The following PRSS23 variants were observed in gnomAD, a reference collection of about 807,000 sequenced individuals.
PRSS23 encodes serine protease 23, also known as protease, serine 23.
A neutral mutation model predicts 34.7 loss-of-function variants in PRSS23; 25 were observed. The observed-to-expected ratio is 0.72, with a 90% CI of 0.53 to 1.01. The LOEUF is 1.01. Ranked by LOEUF, PRSS23 falls within the 50% of genes least tolerant of loss-of-function variation. The pLI is 0.00. For missense variants in PRSS23, 445 were observed against 475.6 expected (o/e 0.94, Z 0.60); for synonymous variants, 176 against 186.6 (o/e 0.94, Z 0.46).
intron 2 of PRSS23, among the ~76,000 whole-genome samples, chr11:86,855,190 C>G (rs996805884): frequency 1.3e-5 from 2 of 150,920 alleles, no homozygotes; most frequent in Non-Finnish European, 1.5e-5. Flanking sequence ...AAAAATACAG[C>G]ATGATTTCGA....
intron 2 of PRSS23, among the ~76,000 whole-genome samples, chr11:86,872,601 T>C (rs11234843): frequency 0.1 from 15,704 of 152,310 alleles, 870 homozygotes; most frequent in East Asian, 0.2. Context: ...TCAAACATTA[T>C]GAATTTTTCT....
At chr11:86,934,296 G>A (rs1053587819) in intron 2 of PRSS23, 2 of 152,230 alleles carry the variant, frequency 1.3e-5, no homozygotes, top group African/African-American at 4.8e-5. Flanking sequence ...TCATTCTGAT[G>A]ATTTGAGTTG....
At chr11:86,936,884 A>G (rs1371116235) in intron 2 of PRSS23, 2 of 129,342 alleles carry the variant, frequency 1.5e-5, no homozygotes, top group East Asian at 3.9e-4. Context: ...GAGTAAAGAA[A>G]AAAAAAAAAA....
chr11:86,802,231 T>C (rs185960832), intron 1 of PRSS23, among the ~76,000 whole-genome samples: 22 of 152,328 alleles, frequency 1.4e-4, no homozygotes, highest in African/African-American at 5.1e-4. Flanking sequence ...TTTTGCACTC[T>C]GTTCTTGTTC....
upstream of PRSS23, among the ~76,000 whole-genome samples, chr11:86,798,780 C>A (rs1315412844): frequency 6.6e-6 from 1 of 152,164 alleles, no homozygotes; most frequent in Non-Finnish European, 1.5e-5. Context: ...GCAACCTCCA[C>A]CTCCTGGGCT....
At chr11:86,802,130 C>G (rs115774339) in intron 1 of PRSS23, among the ~76,000 whole-genome samples, 1,989 of 152,300 alleles carry the variant, frequency 0.013, 52 homozygotes, top group African/African-American at 0.045. Flanking sequence ...CTCATAGATC[C>G]CTTAGGATTT....
At chr11:86,924,094 G>T (rs1308413890) in intron 2 of PRSS23, among the ~76,000 whole-genome samples, 1 of 152,174 alleles carries the variant, frequency 6.6e-6, no homozygotes, top group South Asian at 2.1e-4. Flanking sequence ...AGGTAAGATC[G>T]AGAGCCGGAA....
intron 2 of PRSS23, among the ~76,000 whole-genome samples, chr11:86,877,566 T>C (rs1231148549): frequency 6.6e-6 from 1 of 152,216 alleles, no homozygotes; most frequent in African/African-American, 2.4e-5. Flanking sequence ...TATGGCTATC[T>C]AGTTGTCTCA....
chr11:86,887,643 A>G (rs766137026), intron 2 of PRSS23, among the ~76,000 whole-genome samples: 2 of 152,200 alleles, frequency 1.3e-5, no homozygotes, highest in Non-Finnish European at 2.9e-5. Context: ...TCCACACATA[A>G]TAATTACCGT....
chr11:86,842,890 T>C (rs533111796), intron 2 of PRSS23, among the ~76,000 whole-genome samples: 6 of 152,140 alleles, frequency 3.9e-5, no homozygotes, highest in Non-Finnish European at 8.8e-5. Flanking sequence ...CAACTAGCAC[T>C]AATTTTCTTC....
At chr11:86,855,623 G>T (rs1473063909) in intron 2 of PRSS23, among the ~76,000 whole-genome samples, 14 of 152,154 alleles carry the variant, frequency 9.2e-5, no homozygotes, top group Admixed American at 2.6e-4. Context: ...AGCCTCCCAA[G>T]TAGCTGGGAC....
At chr11:86,938,174 T>C (rs547602094) in intron 2 of PRSS23, among the ~76,000 whole-genome samples, 79 of 152,288 alleles carry the variant, frequency 5.2e-4, no homozygotes, top group Middle Eastern at 3.4e-3. Context: ...CGAACCAGCA[T>C]TGGGCGCAAG....
chr11:86,844,714 A>G (rs1357840514), intron 2 of PRSS23, among the ~76,000 whole-genome samples: 2 of 152,258 alleles, frequency 1.3e-5, no homozygotes, highest in Non-Finnish European at 2.9e-5. Context: ...ACGTCATGAC[A>G]TAGAAACAAA....
chr11:86,952,072 G>A (rs1949297952), exon 3 of PRSS23: 1 of 1,613,956 alleles, frequency 6.2e-7, no homozygotes, highest in African/African-American at 1.3e-5. Context: ...TGAAACACAG[G>A]CTGGCCCACA....
At chr11:86,932,424 C>T (rs1294305436) in intron 2 of PRSS23, among the ~76,000 whole-genome samples, 9 of 152,124 alleles carry the variant, frequency 5.9e-5, no homozygotes. Context: ...GACACGGCCA[C>T]CCAGCCTCCA....
At chr11:86,925,265 A>G (rs1452551249) in intron 2 of PRSS23, among the ~76,000 whole-genome samples, 5 of 151,672 alleles carry the variant, frequency 3.3e-5, no homozygotes, top group African/African-American at 1.2e-4. Context: ...CCCAAGTGAA[A>G]ACTGCATTGA....
At chr11:86,877,873 G>A (rs1948735562) in intron 2 of PRSS23, among the ~76,000 whole-genome samples, 3 of 149,538 alleles carry the variant, frequency 2.0e-5, no homozygotes, top group Non-Finnish European at 4.4e-5. Flanking sequence ...AAAAAAAGAG[G>A]TGGGGTGGGG....
At chr11:86,833,104 TCA>T (rs1276429548) in intron 2 of PRSS23, 30 of 625,650 alleles carry the variant, frequency 4.8e-5, no homozygotes, top group South Asian at 4.0e-4. Context: ...TCATAGGCCC[TCA>T]CACTCAGGAG....
At chr11:86,929,283 T>C (rs975867208) in intron 2 of PRSS23, among the ~76,000 whole-genome samples, 2 of 133,730 alleles carry the variant, frequency 1.5e-5, no homozygotes, top group African/African-American at 5.7e-5. Flanking sequence ...GATCGCGCCA[T>C]TGTACTCCAG....
Sources: gnomAD v4.1 joint callset for allele counts (sites outside exome capture counted in the v4.1 genomes callset) on GRCh38, gnomAD v4.1.1 for gene constraint, MANE v1.5 for transcripts, NCBI Gene and HGNC (gene_info 2026-07-23, HGNC 2026-07-21) for gene names.